The following CACNA2D3 variants were observed in gnomAD, a reference collection of about 807,000 sequenced individuals.
CACNA2D3 encodes the protein calcium voltage-gated channel auxiliary subunit alpha2delta 3.
In CACNA2D3, 60 loss-of-function variants were observed where a neutral mutation model predicts 160.6. The observed-to-expected ratio is 0.37, with a 90% CI of 0.30 to 0.46. The LOEUF (loss-of-function observed/expected upper bound fraction) is 0.46. CACNA2D3 is among the 20% of genes least tolerant of loss of function. CACNA2D3 has a pLI of 1.00. For synonymous variants in CACNA2D3, 558 were observed against 492.9 expected (o/e 1.13, Z -1.75); for missense variants, 1,205 against 1,365.0 (o/e 0.88, Z 1.85).
chr3:54,314,130 C>G (rs373046130), intron 2 of CACNA2D3, among the ~76,000 whole-genome samples: 1 of 152,166 alleles, frequency 6.6e-6, no homozygotes, highest in Non-Finnish European at 1.5e-5. Context: ...TAGTTAGGTA[C>G]CACTTATAAG....
chr3:54,533,775 G>A (rs766881909), intron 5 of CACNA2D3, among the ~76,000 whole-genome samples: 3 of 146,172 alleles, frequency 2.1e-5, no homozygotes, highest in African/African-American at 5.1e-5. Context: ...TTGTCTTCTA[G>A]TGGTTTGAAA....
At chr3:54,500,244 G>A (rs972028838) in intron 4 of CACNA2D3, among the ~76,000 whole-genome samples, 3 of 152,062 alleles carry the variant, frequency 2.0e-5, no homozygotes, top group Non-Finnish European at 4.4e-5. Flanking sequence ...TGTTAGCATG[G>A]TATATCTTCT....
At chr3:54,410,747 A>G (rs1209945241) in intron 4 of CACNA2D3, among the ~76,000 whole-genome samples, 2 of 152,234 alleles carry the variant, frequency 1.3e-5, no homozygotes, top group Non-Finnish European at 2.9e-5. Flanking sequence ...CTAACGCAAC[A>G]TCCGTTCTAC....
At position 55,002,449 on chromosome 3, in the gene CACNA2D3, G is replaced by T. The variant is rs534551004; in HGVS notation, c.2691-2314G>T. 1.2e-3 allele frequency among the ~76,000 whole-genome samples: 181 copies of T among 152,338 alleles called. 1 individual carries two copies. The highest frequency in any genetic ancestry group is 6.8e-3 in the Middle Eastern group (2 of 294). On this transcript the variant is annotated intron_variant, in intron 31 of 37. Transcript: ENST00000474759. ...ATGGTGGCCTGGCGGGCCAGTCAGG[G>T]ACCAATTAGAGTTGTCCATTGTGGT...
At chr3:54,181,100 C>T (rs1401241107) in intron 2 of CACNA2D3, among the ~76,000 whole-genome samples, 2 of 152,170 alleles carry the variant, frequency 1.3e-5, no homozygotes, top group Non-Finnish European at 2.9e-5. Context: ...AAACAGCTGA[C>T]ACTGAGAGTA....
At chr3:54,420,630 G>A (rs983169370) in intron 4 of CACNA2D3, among the ~76,000 whole-genome samples, 2 of 152,194 alleles carry the variant, frequency 1.3e-5, no homozygotes, top group Non-Finnish European at 2.9e-5. Flanking sequence ...CTGTTAGGCA[G>A]CATTTGGGGG....
chr3:54,200,856 A>G (rs1040319223), intron 2 of CACNA2D3, among the ~76,000 whole-genome samples: 2 of 152,218 alleles, frequency 1.3e-5, no homozygotes, highest in Non-Finnish European at 2.9e-5. Flanking sequence ...GTGCTTTGGA[A>G]AATAGGAACT....
chr3:54,879,020 G>A lies in CACNA2D3; in HGVS notation c.1713G>A (p.Leu571=). Residue 571 remains leucine, a splice_region_variant and synonymous_variant, in exon 19 of 38, where the codon TTG becomes TTA. Coordinates refer to ENST00000474759, the MANE Select transcript of CACNA2D3 (RefSeq NM_018398.3). ...ACACTTTTCTTTTATCATTTTAGTT[G>A]AGAAATGCTATGGTGAATCGAAAGA... The part of the protein sequence containing the change: ...EVEWEDRDDV[L]RNAMVNRKTG... 6.3e-7 allele frequency: 1 copy of A among 1,594,598 alleles called. No homozygotes were observed. The highest frequency in any genetic ancestry group is 8.5e-7 in the Non-Finnish European group (1 of 1,170,478).
At chr3:54,599,745 G>A (rs1436881507) in intron 9 of CACNA2D3, among the ~76,000 whole-genome samples, 4 of 152,284 alleles carry the variant, frequency 2.6e-5, no homozygotes, top group Middle Eastern at 3.4e-3. Context: ...TTAAACTGTT[G>A]CTTTTGCTAA....
intron 3 of CACNA2D3, among the ~76,000 whole-genome samples, chr3:54,322,368 C>T (rs1447547988): frequency 3.9e-5 from 6 of 152,250 alleles, no homozygotes; most frequent in African/African-American, 7.2e-5. Context: ...TTAATAAATA[C>T]GTGCTTACAC....
chr3:54,956,497 T>C (rs1701896642), intron 27 of CACNA2D3, among the ~76,000 whole-genome samples: 1 of 152,208 alleles, frequency 6.6e-6, no homozygotes, highest in African/African-American at 2.4e-5. Context: ...CACATGGTCT[T>C]AACGTTCTCA....
intron 3 of CACNA2D3, among the ~76,000 whole-genome samples, chr3:54,339,633 T>C (rs1295377374): frequency 1.3e-5 from 2 of 152,202 alleles, no homozygotes; most frequent in Non-Finnish European, 2.9e-5. Flanking sequence ...ATGGAATGAG[T>C]GAACGATCAG....
intron 27 of CACNA2D3, among the ~76,000 whole-genome samples, chr3:54,919,098 G>A (rs1700758615): frequency 1.3e-5 from 2 of 151,868 alleles, no homozygotes; most frequent in African/African-American, 4.8e-5. Context: ...ACACTAAATT[G>A]GCAATTACTT....
intron 4 of CACNA2D3, among the ~76,000 whole-genome samples, chr3:54,389,252 G>A (rs1019790157): frequency 2.0e-5 from 3 of 151,454 alleles, no homozygotes; most frequent in East Asian, 1.9e-4. Flanking sequence ...CCGAGATCAC[G>A]CCAGTGCACT....
intron 3 of CACNA2D3, among the ~76,000 whole-genome samples, chr3:54,365,382 C>T (rs1698811185): frequency 6.6e-6 from 1 of 152,162 alleles, no homozygotes; most frequent in Admixed American, 6.5e-5. Flanking sequence ...GAGGAATACA[C>T]AAGTAAAGAA....
chr3:54,591,911 C>T (rs921016791), intron 9 of CACNA2D3, among the ~76,000 whole-genome samples: 2 of 152,086 alleles, frequency 1.3e-5, no homozygotes, highest in African/African-American at 4.8e-5. Flanking sequence ...GTGTATCATT[C>T]TTTAATCAAA....
At chr3:54,724,972 C>T (rs1000527703) in intron 11 of CACNA2D3, among the ~76,000 whole-genome samples, 1 of 152,058 alleles carries the variant, frequency 6.6e-6, no homozygotes, top group Non-Finnish European at 1.5e-5. Context: ...ATTAGTGAAT[C>T]CAGGAACTGG....
intron 9 of CACNA2D3, among the ~76,000 whole-genome samples, chr3:54,596,544 A>C (rs1702958041): frequency 6.6e-6 from 1 of 152,084 alleles, no homozygotes. Context: ...CACTGTCAGA[A>C]GCGTCCCAGC....
intron 3 of CACNA2D3, among the ~76,000 whole-genome samples, chr3:54,361,884 A>G (rs1225792530): frequency 6.6e-6 from 1 of 152,192 alleles, no homozygotes; most frequent in Non-Finnish European, 1.5e-5. Context: ...AGTCTGGTGG[A>G]ATTTTATGCA....
Sources: allele counts gnomAD v4.1 joint callset (sites outside exome capture counted in the v4.1 genomes callset), GRCh38; gene constraint gnomAD v4.1.1; transcripts MANE v1.5; gene names NCBI Gene and HGNC (gene_info 2026-07-23, HGNC 2026-07-21).